Variants in UEVLD observed in about 807,000 individuals in gnomAD.
UEVLD encodes ubiquitin-conjugating enzyme E2 variant 3.
In UEVLD, 47 loss-of-function variants were observed where a neutral mutation model predicts 58.6. That is an observed-to-expected ratio of 0.80 (90% CI 0.63 to 1.02). UEVLD has a LOEUF of 1.02. Ranked by LOEUF, UEVLD falls within the 50% of genes least tolerant of loss-of-function variation. The probability of loss-of-function intolerance (pLI) is 0.00; values close to 1 mark genes in which losing one functional copy is unlikely to be tolerated. For missense variants in UEVLD, 510 were observed against 550.6 expected (o/e 0.93, Z 0.74); for synonymous variants, 197 against 195.3 (o/e 1.01, Z -0.07).
At position 18,577,352 on chromosome 11, in the gene UEVLD, A is replaced by G. The variant is rs150680520; in HGVS notation, c.127+1372T>C. 4.8e-3 allele frequency among the ~76,000 whole-genome samples: 728 copies of G among 152,404 alleles called. 2 individuals carry two copies. The highest frequency in any genetic ancestry group is 7.8e-3 in the Non-Finnish European group (530 of 68,042). Reference sequence around the variant, plus strand: ...CTTTCTAAAGCAAACTGTTAGATCAATAATTACCTTCTTTGGTTTCTCTAA... The same window carrying G: ...CTTTCTAAAGCAAACTGTTAGATCAGTAATTACCTTCTTTGGTTTCTCTAA... On this transcript the variant is annotated intron_variant, in intron 2 of 11. Transcript: ENST00000396197.
intron 7 of UEVLD, among the ~76,000 whole-genome samples, chr11:18,552,018 G>A (rs1286563170): frequency 6.6e-6 from 1 of 152,140 alleles, no homozygotes; most frequent in Non-Finnish European, 1.5e-5. Flanking sequence ...TAAATACCGT[G>A]CAGACCTACT....
chr11:18,564,420 G>A (rs1408910749), intron 6 of UEVLD, among the ~76,000 whole-genome samples: 1 of 151,788 alleles, frequency 6.6e-6, no homozygotes, highest in African/African-American at 2.4e-5. Context: ...AACAATTTAT[G>A]CAGACACTAG....
At chr11:18,551,726 T>G (rs1370170675) in intron 7 of UEVLD, among the ~76,000 whole-genome samples, 1 of 152,188 alleles carries the variant, frequency 6.6e-6, no homozygotes, top group Non-Finnish European at 1.5e-5. Context: ...CACAAGCCTC[T>G]CACCTCTTTC....
intron 7 of UEVLD, among the ~76,000 whole-genome samples, chr11:18,553,849 T>C (rs1851636964): frequency 6.6e-6 from 1 of 151,950 alleles, no homozygotes; most frequent in South Asian, 2.1e-4. Flanking sequence ...GAAGGGAAAA[T>C]GGGGAGTAAC....
intron 4 of UEVLD, 145 bp downstream of exon 4, chr11:18,570,069 C>T (rs1318199503): frequency 3.2e-6 from 3 of 923,992 alleles, no homozygotes; most frequent in Non-Finnish European, 3.1e-6. Flanking sequence ...CCCTAGAGAG[C>T]TCAATTTCAA....
At chr11:18,557,639 T>C (rs886372406) in intron 7 of UEVLD, among the ~76,000 whole-genome samples, 1 of 150,788 alleles carries the variant, frequency 6.6e-6, no homozygotes, top group Admixed American at 6.6e-5. Flanking sequence ...TCCTAGTGCA[T>C]TGCAGCCTTG....
At chr11:18,533,410 G>C (rs1467988144) in intron 11 of UEVLD, among the ~76,000 whole-genome samples, 2 of 150,996 alleles carry the variant, frequency 1.3e-5, no homozygotes, top group African/African-American at 4.9e-5. Context: ...ACGTGAGTGA[G>C]AATATGTGAT....
In UEVLD at chr11:18,556,056, A is replaced by G. The variant is rs144258209; in HGVS notation, c.715+2172T>C. On this transcript the variant is annotated intron_variant, in intron 7 of 11. Coordinates refer to ENST00000396197, the MANE Select transcript of UEVLD (RefSeq NM_001040697.4). ...TTCAACAGATAATTACTGACTCCCT[A>G]CTTGGTGGCAAGCACCATGCACTAC... is the stretch of plus-strand genomic sequence containing the variant. Among the ~76,000 whole-genome samples the G allele has an allele frequency of 5.9e-3, 899 of 152,320 alleles. 9 individuals carry two copies. Among genetic ancestry groups the G allele is most frequent in the African/African-American group, 0.021 (867 of 41,578 alleles).
At chr11:18,546,806 T>C (rs1167050874) in intron 8 of UEVLD, 74 bp downstream of exon 8, 5 of 1,555,318 alleles carry the variant, frequency 3.2e-6, no homozygotes, top group East Asian at 2.3e-5. Context: ...CCTAAAGTTT[T>C]ATGGTTTTTA....
At position 18,542,768 on chromosome 11, in the gene UEVLD, G is replaced by A. The variant is rs529163850; in HGVS notation, c.1060+1855C>T. 2.4e-4 allele frequency among the ~76,000 whole-genome samples: 37 copies of A among 151,862 alleles called. No homozygotes were observed. In the South Asian group the frequency reaches 7.7e-3, roughly 32 times the overall value. On this transcript the variant is annotated intron_variant, in intron 9 of 11. Coordinates refer to ENST00000396197, the MANE Select transcript of UEVLD (RefSeq NM_001040697.4). ...TCCAAGGAAATAGTTTTGAGAGGGT[G>A]ATTTGCTTTGTGGAAATATGGTTTG...
intron 9 of UEVLD, among the ~76,000 whole-genome samples, chr11:18,542,890 C>CTTTTTTTTTTTTTTTTTTTTT (rs890676886): frequency 7.9e-6 from 1 of 125,902 alleles, no homozygotes. Context: ...CTTTTCTTTT[C>CTTTTTTTTTTTTTTTTTTTTT]TTTTTTTTTT....
rs1850493897 is a variant in UEVLD, at chr11:18,529,831, T to C, written c.*2489A>G. ...CAAAATCATAGGGAGGTGGTGGTGG[T>C]GATATTGCTTCTTGACTTACACTGG... On this transcript the variant is annotated 3_prime_UTR_variant, in exon 12 of 12. Transcript: ENST00000396197. 1 of 152,216 alleles carries C rather than the reference T, an allele frequency of 6.6e-6. No individual in the cohort carries two copies. Among genetic ancestry groups the C allele is most frequent in the South Asian group, 2.1e-4 (1 of 4,834 alleles). The allele number at this position is 152,216 out of a possible 1,614,324, so 9.4% of individuals were successfully genotyped here. A position where few individuals can be genotyped will look rare whatever the true frequency, so the allele number is the denominator to read the frequency against.
At chr11:18,579,368 G>T in intron 1 of UEVLD, 2 of 813,110 alleles carry the variant, frequency 2.5e-6, no homozygotes, top group Non-Finnish European at 1.5e-6. Flanking sequence ...AAATAGTGAA[G>T]CCCGAGCTCA....
intron 1 of UEVLD, among the ~76,000 whole-genome samples, chr11:18,583,314 G>A (rs981273903): frequency 1.3e-5 from 2 of 151,142 alleles, no homozygotes; most frequent in African/African-American, 2.4e-5. Context: ...TCCGCCTCCC[G>A]GGTTCAAGCA....
intron 1 of UEVLD, among the ~76,000 whole-genome samples, chr11:18,586,147 A>T (rs888761210): frequency 3.9e-5 from 6 of 152,212 alleles, no homozygotes. Context: ...TTTTTAATGT[A>T]CTGATCACTT....
chr11:18,553,032 A>G (rs1396684032), intron 7 of UEVLD, among the ~76,000 whole-genome samples: 1 of 151,322 alleles, frequency 6.6e-6, no homozygotes, highest in Non-Finnish European at 1.5e-5. Context: ...GCATGCGCCT[A>G]TAGTCCCAGC....
intron 9 of UEVLD, among the ~76,000 whole-genome samples, chr11:18,541,291 G>A (rs535081648): frequency 6.6e-6 from 1 of 152,316 alleles, no homozygotes; most frequent in South Asian, 2.1e-4. Context: ...TGAGCTCTAT[G>A]TTACTGTGCA....
At chr11:18,539,405 C>A (rs1310983307) in intron 9 of UEVLD, among the ~76,000 whole-genome samples, 1 of 152,018 alleles carries the variant, frequency 6.6e-6, no homozygotes, top group Non-Finnish European at 1.5e-5. Flanking sequence ...AAACCATGAA[C>A]TGTTATATGA....
At chr11:18,534,554 C>A in intron 10 of UEVLD, 101 bp from the exon 11 acceptor site, 1 of 1,259,814 alleles carries the variant, frequency 7.9e-7, no homozygotes, top group Non-Finnish European at 1.1e-6. Flanking sequence ...ATGACAGAAA[C>A]AAGAGTTATG....
Sources: gnomAD v4.1 joint callset for allele counts (sites outside exome capture counted in the v4.1 genomes callset) on GRCh38, gnomAD v4.1.1 for gene constraint, MANE v1.5 for transcripts, NCBI Gene and HGNC (gene_info 2026-07-23, HGNC 2026-07-21) for gene names.